Variants in TEX35 observed in about 807,000 individuals in gnomAD.
TEX35 encodes testis expressed 35, also known as testis-expressed protein 35.
TEX35 carries 26 observed loss-of-function variants against 31.9 expected under a neutral mutation model. That is an observed-to-expected ratio of 0.81 (90% CI 0.60 to 1.13). TEX35 has a LOEUF of 1.13. TEX35 is among the 50% of genes most tolerant of loss of function. The probability of loss-of-function intolerance (pLI) is 0.00; values close to 1 mark genes in which losing one functional copy is unlikely to be tolerated. For synonymous variants in TEX35, 87 were observed against 90.7 expected, an observed-to-expected ratio of 0.96 and a Z score of 0.23; for missense variants, 278 against 273.5, an observed-to-expected ratio of 1.02 and a Z score of -0.12.
intron 2 of TEX35, among the ~76,000 whole-genome samples, chr1:178,514,386 T>A (rs1649995011): frequency 6.6e-6 from 1 of 152,092 alleles, no homozygotes; most frequent in Non-Finnish European, 1.5e-5. Flanking sequence ...AGGACAAGAC[T>A]CTGGCTTTGC....
chr1:178,514,188 G>T, intron 2 of TEX35, 111 bp downstream of exon 2: 1 of 1,593,258 alleles, frequency 6.3e-7, no homozygotes. Context: ...TGTCCCAGGT[G>T]CTGGGGGATG....
At chr1:178,522,252 G>C in intron 8 of TEX35, 73 bp from the exon 9 acceptor site, 6 of 1,498,746 alleles carry the variant, frequency 4.0e-6, no homozygotes, top group Non-Finnish European at 5.4e-6. Flanking sequence ...GAACTGGGTA[G>C]CTTTCTTGGG....
At chr1:178,519,792 T>C (rs1185827346) in intron 5 of TEX35, among the ~76,000 whole-genome samples, 1 of 152,250 alleles carries the variant, frequency 6.6e-6, no homozygotes, top group Non-Finnish European at 1.5e-5. Flanking sequence ...ATGTCCACTA[T>C]TTCCATTCAA....
chr1:178,516,650 T>G lies in TEX35; in HGVS notation c.252T>G (p.Leu84=). Residue 84 remains leucine (L), a synonymous_variant, in exon 5 of 9, where the codon CTT becomes CTG. Transcript: ENST00000319416. Reference sequence around the variant, plus strand: ...TAATGGACAAGGATTTTGATAAACTTCACGAATTTGTGGAAATTATGAAGG... The same window carrying G: ...TAATGGACAAGGATTTTGATAAACTGCACGAATTTGTGGAAATTATGAAGG... The part of the protein sequence containing the change: ...KDLMDKDFDK[L]HEFVEIMKEM... 6.2e-7 allele frequency: 1 copy of G among 1,613,422 alleles called. No homozygotes were observed. The highest frequency in any genetic ancestry group is 2.2e-5 in the East Asian group (1 of 44,878).
rs759279592 is a variant in TEX35 at position 178,520,821 on chromosome 1, C to CA, written c.496dup (p.Thr166AsnfsTer66). 1.1e-5 allele frequency: 18 copies of CA among 1,614,020 alleles called. No homozygotes were observed. The highest frequency in any genetic ancestry group is 1.1e-5 in the Non-Finnish European group (13 of 1,180,040). On this transcript the variant is annotated frameshift_variant, in exon 7 of 9. Transcript: ENST00000319416. LOFTEE classifies it high-confidence loss of function. Reference sequence around the variant, plus strand: ...TCTTCACAAGAAGACGATGGCACCACAAAAAACAAAACAGGGCTCACTGGA... The same window carrying CA: ...TCTTCACAAGAAGACGATGGCACCACAAAAAAACAAAACAGGGCTCACTGGA...
At position 178,521,584 on chromosome 1, in the gene TEX35, C is replaced by T. The variant is rs73040018; in HGVS notation, c.586+320C>T. 9.9e-3 allele frequency: 15,177 copies of T among 1,529,280 alleles called. 1,321 individuals carry two copies. In the African/African-American group the frequency reaches 0.18, roughly 19 times the overall value. 94.7% of individuals were successfully genotyped at this position (1,529,280 alleles called of 1,614,324 possible). A position where few individuals can be genotyped will look rare whatever the true frequency, so the allele number is the denominator to read the frequency against. On this transcript the variant is annotated intron_variant, in intron 8 of 8. Transcript: ENST00000319416. Reference sequence around the variant, plus strand: ...GGGAAATATTCACACCAGGTCTGGGCACCCTTTTCACCCTTGGCTTCTGGA... The same window carrying T: ...GGGAAATATTCACACCAGGTCTGGGTACCCTTTTCACCCTTGGCTTCTGGA...
chr1:178,513,214 A>G lies in TEX35; in HGVS notation c.26A>G (p.Lys9Arg), dbSNP rs1287461009. The G allele has an allele frequency of 6.2e-7, 1 of 1,614,102 alleles. No homozygotes were observed. The highest frequency in any genetic ancestry group is 1.3e-5 in the African/African-American group (1 of 74,942). MSAKRAELKKTHLSKNYKA... is the reference protein window; with the variant it reads MSAKRAELRKTHLSKNYKA... ...ATGTCGGCCAAGAGGGCAGAATTGA[A>G]GAAAACACATCTGGTAAAAGAGAGA... Residue 9 changes from lysine (K) to arginine (R), a missense_variant, in exon 1 of 9, where the codon AAG becomes AGG. Transcript: ENST00000319416.
rs79171732 is a variant in TEX35, at chr1:178,513,954, G to A, written c.40-73G>A. On this transcript the variant is annotated intron_variant, in intron 1 of 8. Transcript: ENST00000319416. ...GTGGGGGGCAGGGGGCAGGGTTCCC[G>A]TGCAAGGGCCAGATGTTCTCCTCCC... 0.012 allele frequency: 19,262 copies of A among 1,558,856 alleles called. 1,619 individuals carry two copies. The African/African-American group carries it at 0.2, about 17-fold the overall frequency.
intron 7 of TEX35, 165 bp from the exon 8 acceptor site, chr1:178,521,057 C>T: frequency 6.4e-7 from 1 of 1,558,018 alleles, no homozygotes; most frequent in Non-Finnish European, 8.7e-7. Context: ...TGTGGAGCCT[C>T]CTTAGCTGTG....
intron 8 of TEX35, 64 bp from the exon 9 acceptor site, chr1:178,522,261 G>T: frequency 6.6e-7 from 1 of 1,508,560 alleles, no homozygotes; most frequent in Non-Finnish European, 8.9e-7. Flanking sequence ...AGCTTTCTTG[G>T]GTTCTGGGGA....
chr1:178,514,820 A>C, intron 3 of TEX35, 52 bp downstream of exon 3: 1 of 1,506,002 alleles, frequency 6.6e-7, no homozygotes, highest in Non-Finnish European at 9.2e-7. Flanking sequence ...CGTGAGTGTA[A>C]GTTTTCCCCA....
intron 5 of TEX35, among the ~76,000 whole-genome samples, chr1:178,517,120 A>G (rs1289697321): frequency 2.6e-5 from 4 of 152,232 alleles, no homozygotes. Context: ...TGTAGTTTAG[A>G]CAAGTTCCCA....
chr1:178,514,966 A>G (rs1431560121), intron 3 of TEX35, among the ~76,000 whole-genome samples, 198 bp downstream of exon 3: 1 of 152,234 alleles, frequency 6.6e-6, no homozygotes, highest in Non-Finnish European at 1.5e-5. Context: ...TGTCCCACAC[A>G]TGTGTTGCAT....
Position 178,513,234 on chromosome 1 carries a change from G to A in TEX35, c.39+7G>A, listed in dbSNP as rs1433734991. 2 of 1,614,224 alleles carry A rather than the reference G, an allele frequency of 1.2e-6. No individual in the cohort carries two copies. Among genetic ancestry groups the A allele is most frequent in the Middle Eastern group, 1.6e-4 (1 of 6,062 alleles). ...ATTGAAGAAAACACATCTGGTAAAA[G>A]AGAGACATTGCTGGACAGTGTGGGT... On this transcript the variant is annotated splice_region_variant and intron_variant, in intron 1 of 8. Coordinates refer to ENST00000319416, the MANE Select transcript of TEX35 (RefSeq NM_032126.5).
Position 178,513,158 on chromosome 1 carries a change from G to C in TEX35, c.-31G>C. The C allele has an allele frequency of 6.2e-7, 1 of 1,613,012 alleles. No homozygotes were observed. Among genetic ancestry groups the C allele is most frequent in the Non-Finnish European group, 8.5e-7 (1 of 1,179,242 alleles). On this transcript the variant is annotated 5_prime_UTR_variant, in exon 1 of 9. Transcript: ENST00000319416. ...GGCCTGGTCCCAGGGGCTGTTGTGGGGAGTTGAAGAACACCCTGGCCTCCT... is the reference window on the plus strand; with the variant it reads ...GGCCTGGTCCCAGGGGCTGTTGTGGCGAGTTGAAGAACACCCTGGCCTCCT...
rs1426213380 is a variant in TEX35, at chr1:178,520,796, T to G, written c.465T>G (p.Ala155=). ...GTGGAGTCAATGGAGCACCCTGTGCTCTTCACAAGAAGACGATGGCACCAC... is the reference window on the plus strand; with the variant it reads ...GTGGAGTCAATGGAGCACCCTGTGCGCTTCACAAGAAGACGATGGCACCAC... The part of the protein sequence containing the change: ...GASGVNGAPC[A]LHKKTMAPQK... Residue 155 remains alanine (A), a synonymous_variant, in exon 7 of 9, where the codon GCT becomes GCG. Transcript: ENST00000319416. The G allele has an allele frequency of 6.2e-7, 1 of 1,614,110 alleles. No individual in the cohort carries two copies. The highest frequency in any genetic ancestry group is 8.5e-7 in the Non-Finnish European group (1 of 1,180,012).
At chr1:178,518,525 T>G (rs2101896267) in intron 5 of TEX35, among the ~76,000 whole-genome samples, 1 of 152,146 alleles carries the variant, frequency 6.6e-6, no homozygotes, top group Non-Finnish European at 1.5e-5. Context: ...TTAGGAACTA[T>G]TAAAGACAAT....
rs1249333792 is a variant in TEX35 at position 178,517,805 on chromosome 1, G to A, written c.276+1131G>A. 2.6e-5 allele frequency among the ~76,000 whole-genome samples: 4 copies of A among 152,172 alleles called. No homozygotes were observed. The East Asian group carries it at 5.8e-4, about 22-fold the overall frequency. ...ACTGTAAAGCTAAATAGTCTATGAA[G>A]TGATTTTAAATAATAAAAACCAATA... On this transcript the variant is annotated intron_variant, in intron 5 of 8. Transcript: ENST00000319416.
At chr1:178,522,028 G>A in intron 8 of TEX35, 1 of 682,316 alleles carries the variant, frequency 1.5e-6, no homozygotes, top group Non-Finnish European at 2.4e-6. Context: ...AGCATGGGGA[G>A]GGCCCCTGAT....
Sources: allele counts gnomAD v4.1 joint callset (sites outside exome capture counted in the v4.1 genomes callset), GRCh38; gene constraint gnomAD v4.1.1; transcripts MANE v1.5; gene names NCBI Gene and HGNC (gene_info 2026-07-23, HGNC 2026-07-21).